IL1RAPL2: variants seen among roughly 807,000 people sequenced by gnomAD.
The protein encoded by IL1RAPL2 is interleukin 1 receptor accessory protein like 2.
A neutral mutation model predicts 44.1 loss-of-function variants in IL1RAPL2; 3 were observed. The observed-to-expected ratio is 0.07, with a 90% CI of 0.03 to 0.18. IL1RAPL2 has a LOEUF of 0.18. Among genes scored for constraint, IL1RAPL2 ranks in the 10% least tolerant of loss-of-function variants. The pLI, the probability that IL1RAPL2 is intolerant of heterozygous loss-of-function variation, is 1.00. For synonymous variants in IL1RAPL2, 181 were observed against 178.8 expected (o/e 1.01, Z -0.10); for missense variants, 391 against 496.4 (o/e 0.79, Z 2.02).
intron 6 of IL1RAPL2, among the ~76,000 whole-genome samples, chrX:105,636,066 G>A (rs7061857): frequency 0.01 from 1,131 of 110,918 alleles, 23 homozygotes; most frequent in African/African-American, 0.035. Context: ...AATAGGGGAG[G>A]AATGAACCTA....
chrX:105,316,871 G>GT (rs771510072), intron 5 of IL1RAPL2, among the ~76,000 whole-genome samples: 1 of 110,895 alleles, frequency 9.0e-6, no homozygotes, highest in East Asian at 2.8e-4. Context: ...TAAACATTCA[G>GT]TTTTAACCCA....
At chrX:104,702,120 A>G (rs1931284826) in intron 2 of IL1RAPL2, among the ~76,000 whole-genome samples, 1 of 110,374 alleles carries the variant, frequency 9.1e-6, no homozygotes, top group South Asian at 3.8e-4. Context: ...CTAATGCATC[A>G]CTCCCTCCCT....
chrX:105,082,526 C>T (rs987274439), intron 2 of IL1RAPL2, among the ~76,000 whole-genome samples: 10 of 110,921 alleles, frequency 9.0e-5, no homozygotes, highest in East Asian at 2.9e-4. Context: ...CAGTAGGAGC[C>T]GACAGACACC....
At chrX:105,539,800 G>A (rs764875867) in intron 6 of IL1RAPL2, among the ~76,000 whole-genome samples, 1 of 111,674 alleles carries the variant, frequency 9.0e-6, no homozygotes, top group African/African-American at 3.2e-5. Context: ...TCCAGAATGT[G>A]TGATGAACTT....
At chrX:104,871,494 CAACTCT>C (rs1922761562) in intron 2 of IL1RAPL2, among the ~76,000 whole-genome samples, 2 of 111,453 alleles carry the variant, frequency 1.8e-5, no homozygotes, top group African/African-American at 6.5e-5. Flanking sequence ...AGTTCCTTTC[CAACTCT>C]GACATTGTTT....
At chrX:105,410,770 A>C (rs2035689524) in intron 5 of IL1RAPL2, among the ~76,000 whole-genome samples, 1 of 112,122 alleles carries the variant, frequency 8.9e-6, no homozygotes, top group Non-Finnish European at 1.9e-5. Flanking sequence ...AGAAATGCTT[A>C]AGGGATTCAT....
At chrX:105,043,281 G>T in intron 2 of IL1RAPL2, among the ~76,000 whole-genome samples, 1 of 110,293 alleles carries the variant, frequency 9.1e-6, no homozygotes, top group Non-Finnish European at 1.9e-5. Flanking sequence ...TGGATATCAC[G>T]GCAGACTAGC....
intron 2 of IL1RAPL2, among the ~76,000 whole-genome samples, chrX:104,729,231 A>G (rs1307463944): frequency 1.8e-5 from 2 of 111,515 alleles, no homozygotes; most frequent in Non-Finnish European, 3.8e-5. Context: ...ATGTAAAACA[A>G]TTAAATTCAT....
At chrX:105,126,714 G>A (rs1398261304) in intron 2 of IL1RAPL2, among the ~76,000 whole-genome samples, 6 of 111,172 alleles carry the variant, frequency 5.4e-5, no homozygotes, top group East Asian at 2.8e-4. Flanking sequence ...AATTAGTTGC[G>A]AAAACCATTC....
At chrX:105,494,950 A>G (rs1322645226) in intron 6 of IL1RAPL2, among the ~76,000 whole-genome samples, 2 of 112,208 alleles carry the variant, frequency 1.8e-5, no homozygotes, top group African/African-American at 6.5e-5. Context: ...AGTAACTTGG[A>G]GTTTGGAAGC....
intron 6 of IL1RAPL2, among the ~76,000 whole-genome samples, chrX:105,640,677 T>C (rs769295224): frequency 1.1e-5 from 1 of 87,454 alleles, no homozygotes; most frequent in Non-Finnish European, 2.1e-5. Context: ...TATATATATA[T>C]ATATATATAT....
At chrX:104,838,847 C>CTTTTT (rs3086025) in intron 2 of IL1RAPL2, among the ~76,000 whole-genome samples, 119 of 36,226 alleles carry the variant, frequency 3.3e-3, no homozygotes, top group Non-Finnish European at 5.6e-3. Context: ...TTCTTTCTTT[C>CTTTTT]TTTTTTTTTT....
rs2036348594 is a variant in IL1RAPL2, at chrX:105,495,177, C to G, written c.772+10790C>G. On this transcript the variant is annotated intron_variant, in intron 6 of 10. Coordinates refer to ENST00000372582, the MANE Select transcript of IL1RAPL2 (RefSeq NM_017416.2). ...AAAGGTATTGTCACTGTGAACATAGCCACTGAAAAGTAAAGTTTGAAAGAA... is the reference window on the plus strand; with the variant it reads ...AAAGGTATTGTCACTGTGAACATAGGCACTGAAAAGTAAAGTTTGAAAGAA... Among the ~76,000 whole-genome samples, 3 of 112,131 alleles carry G rather than the reference C, an allele frequency of 2.7e-5. No homozygotes were observed. In the South Asian group the frequency reaches 1.1e-3, roughly 41 times the overall value.
intron 2 of IL1RAPL2, among the ~76,000 whole-genome samples, chrX:104,892,998 T>G (rs1602789133): frequency 8.9e-6 from 1 of 111,991 alleles, no homozygotes; most frequent in African/African-American, 3.2e-5. Flanking sequence ...TTGTGTCTTT[T>G]TTCTCATTGG....
intron 6 of IL1RAPL2, among the ~76,000 whole-genome samples, chrX:105,603,481 G>A (rs1343935852): frequency 1.8e-5 from 2 of 111,519 alleles, no homozygotes; most frequent in African/African-American, 6.5e-5. Flanking sequence ...CAGCAAGAAT[G>A]TATCACAATT....
chrX:104,949,430 C>G (rs1414010727), intron 2 of IL1RAPL2, among the ~76,000 whole-genome samples: 22 of 108,208 alleles, frequency 2.0e-4, no homozygotes, highest in Non-Finnish European at 7.7e-5. Flanking sequence ...CAGTTCTGCT[C>G]TGATTTTAGT....
At chrX:105,030,222 T>C (rs1217355261) in intron 2 of IL1RAPL2, among the ~76,000 whole-genome samples, 1 of 111,724 alleles carries the variant, frequency 9.0e-6, no homozygotes, top group East Asian at 2.8e-4. Flanking sequence ...GGTAGTTTCT[T>C]TTGCTGTGCA....
chrX:105,393,910 A>G (rs1046755358), intron 5 of IL1RAPL2, among the ~76,000 whole-genome samples: 1 of 112,436 alleles, frequency 8.9e-6, no homozygotes, highest in Non-Finnish European at 1.9e-5. Flanking sequence ...AAACTGAGGC[A>G]CAGATAATTA....
At chrX:104,792,050 G>A (rs193100020) in intron 2 of IL1RAPL2, among the ~76,000 whole-genome samples, 8 of 110,882 alleles carry the variant, frequency 7.2e-5, no homozygotes, top group African/African-American at 2.3e-4. Context: ...AGGCCCCTAT[G>A]GTCCTAGAAG....
Sources: gnomAD v4.1 joint callset for allele counts (sites outside exome capture counted in the v4.1 genomes callset) on GRCh38, gnomAD v4.1.1 for gene constraint, MANE v1.5 for transcripts, NCBI Gene and HGNC (gene_info 2026-07-23, HGNC 2026-07-21) for gene names.